Variants in STK3 observed in about 807,000 individuals in gnomAD.
STK3 encodes serine/threonine kinase 3.
Under a neutral mutation model 58.0 loss-of-function variants are expected in STK3, and 41 were observed. The ratio of observed to expected loss-of-function variants is 0.71; its 90% CI spans 0.55 to 0.92. The LOEUF is 0.92. Ranked by LOEUF, STK3 falls within the 40% of genes least tolerant of loss-of-function variation. STK3 has a pLI of 0.00. For missense variants in STK3, 479 were observed against 602.7 expected (o/e 0.79, Z 2.15); for synonymous variants, 170 against 191.0 (o/e 0.89, Z 0.91).
intron 4 of STK3, among the ~76,000 whole-genome samples, chr8:98,727,923 T>C (rs1395444881): frequency 6.6e-6 from 1 of 152,166 alleles, no homozygotes; most frequent in Non-Finnish European, 1.5e-5. Context: ...TACAGAAAAA[T>C]CAATGGTTTC....
chr8:98,515,226 T>A (rs1289571048), intron 10 of STK3, among the ~76,000 whole-genome samples: 3 of 152,100 alleles, frequency 2.0e-5, no homozygotes, highest in Non-Finnish European at 2.9e-5. Context: ...TTTCCCCTCA[T>A]AAAAATTTTT....
chr8:98,495,949 C>T (rs1823101919), intron 10 of STK3, among the ~76,000 whole-genome samples: 1 of 152,110 alleles, frequency 6.6e-6, no homozygotes, highest in Non-Finnish European at 1.5e-5. Flanking sequence ...TTTGTAAAAA[C>T]TCATGTTCAG....
At chr8:98,742,039 T>TG (rs1829258811) in intron 4 of STK3, among the ~76,000 whole-genome samples, 1 of 152,022 alleles carries the variant, frequency 6.6e-6, no homozygotes, top group Admixed American at 6.6e-5. Context: ...AGGAAGAAGT[T>TG]GAATCTCTGA....
chr8:98,636,234 T>C (rs1587110115), intron 6 of STK3, among the ~76,000 whole-genome samples: 1 of 152,254 alleles, frequency 6.6e-6, no homozygotes, highest in Non-Finnish European at 1.5e-5. Flanking sequence ...AGAGGTTAAA[T>C]TGGGCATGGT....
At chr8:98,767,470 A>C (rs1480463169) in intron 2 of STK3, 99 bp from the exon 3 acceptor site, 10 of 1,113,526 alleles carry the variant, frequency 9.0e-6, no homozygotes, top group Non-Finnish European at 1.2e-5. Flanking sequence ...TTTCTAGTTT[A>C]AAACACTATT....
intron 9 of STK3, among the ~76,000 whole-genome samples, chr8:98,529,729 T>A (rs1826023553): frequency 6.6e-6 from 1 of 152,168 alleles, no homozygotes; most frequent in South Asian, 2.1e-4. Context: ...ACAACATGGA[T>A]GAACCTTGAG....
chr8:98,613,904 A>G (rs1030886282), intron 6 of STK3, among the ~76,000 whole-genome samples: 2 of 152,194 alleles, frequency 1.3e-5, no homozygotes, highest in Non-Finnish European at 2.9e-5. Context: ...GGCTATATTA[A>G]TAACAGATAA....
intron 10 of STK3, among the ~76,000 whole-genome samples, chr8:98,483,359 C>T (rs760818686): frequency 1.3e-5 from 2 of 152,172 alleles, no homozygotes; most frequent in Non-Finnish European, 2.9e-5. Flanking sequence ...TGGTCATGCT[C>T]TCATAAGTTA....
chr8:98,905,293 C>T (rs904755932), intron 1 of STK3: 4 of 829,732 alleles, frequency 4.8e-6, no homozygotes, highest in African/African-American at 1.7e-5. Context: ...GGTCTCACTG[C>T]GTCCTCTGAC....
intron 1 of STK3, among the ~76,000 whole-genome samples, chr8:98,891,812 T>G (rs896287929): frequency 6.6e-6 from 1 of 152,132 alleles, no homozygotes; most frequent in Non-Finnish European, 1.5e-5. Flanking sequence ...AACTTCATGA[T>G]GTGAGGGCCG....
At chr8:98,616,367 G>A (rs879832181) in intron 6 of STK3, among the ~76,000 whole-genome samples, 1,689 of 116,876 alleles carry the variant, frequency 0.014, no homozygotes, top group African/African-American at 0.027. Context: ...ATGCCAAAAT[G>A]TAAAGACCAT....
downstream of STK3, chr8:98,881,723 T>C (rs530005610): frequency 6.6e-6 from 1 of 152,262 alleles, no homozygotes; most frequent in Non-Finnish European, 1.5e-5. Flanking sequence ...AATATCAAAC[T>C]CTGTAATTTT....
chr8:98,648,953 A>G (rs1054100379), intron 6 of STK3, among the ~76,000 whole-genome samples: 1 of 149,766 alleles, frequency 6.7e-6, no homozygotes. Flanking sequence ...GCTACTTGGG[A>G]GGCTGAGGAA....
chr8:98,889,838 C>G (rs1459462313), intron 1 of STK3: 2 of 152,184 alleles, frequency 1.3e-5, no homozygotes, highest in African/African-American at 4.8e-5. Context: ...CTAGCAAGTT[C>G]CACCGGTTCT....
chr8:98,393,831 G>A (rs956148584), intron 3 of STK3: 2 of 152,122 alleles, frequency 1.3e-5, no homozygotes, highest in African/African-American at 4.8e-5. Flanking sequence ...ACAGATACAA[G>A]AGGAAGCCCA....
At chr8:98,641,411 A>T (rs1820004872) in intron 6 of STK3, among the ~76,000 whole-genome samples, 1 of 152,342 alleles carries the variant, frequency 6.6e-6, no homozygotes, top group African/African-American at 2.4e-5. Context: ...CTGAACCAAT[A>T]TAGTGCCAAA....
At chr8:98,714,041 C>T (rs1041618404) in intron 4 of STK3, among the ~76,000 whole-genome samples, 3 of 152,164 alleles carry the variant, frequency 2.0e-5, no homozygotes, top group African/African-American at 7.2e-5. Context: ...ACATGATTAT[C>T]TCAATAGATG....
chr8:98,656,066 C>T (rs528773109), intron 6 of STK3, among the ~76,000 whole-genome samples: 74 of 152,212 alleles, frequency 4.9e-4, no homozygotes, highest in African/African-American at 1.7e-3. Context: ...TTCACAATAG[C>T]AAAGACTTGG....
chr8:98,910,038 C>A (rs1485680736), intron 1 of STK3, among the ~76,000 whole-genome samples: 3 of 152,138 alleles, frequency 2.0e-5, no homozygotes, highest in Non-Finnish European at 4.4e-5. Context: ...TTCCAGCCAA[C>A]CTAGTGGGTA....
Sources: allele counts gnomAD v4.1 joint callset (sites outside exome capture counted in the v4.1 genomes callset), GRCh38; gene constraint gnomAD v4.1.1; transcripts MANE v1.5; gene names NCBI Gene and HGNC (gene_info 2026-07-23, HGNC 2026-07-21).